The following MACROD2 variants were observed in gnomAD, a reference collection of about 807,000 sequenced individuals.
MACROD2 encodes mono-ADP ribosylhydrolase 2.
A neutral mutation model predicts 70.4 loss-of-function variants in MACROD2; 36 were observed. The ratio of observed to expected loss-of-function variants is 0.51; its 90% CI spans 0.39 to 0.68. The LOEUF (loss-of-function observed/expected upper bound fraction) is 0.68. Among genes scored for constraint, MACROD2 ranks in the 30% least tolerant of loss-of-function variants. The probability of loss-of-function intolerance (pLI) is 0.00; values close to 1 mark genes in which losing one functional copy is unlikely to be tolerated. For missense variants in MACROD2, 496 were observed against 538.4 expected, an observed-to-expected ratio of 0.92 and a Z score of 0.78; for synonymous variants, 172 against 178.8, an observed-to-expected ratio of 0.96 and a Z score of 0.30.
At chr20:14,402,274 A>G (rs2122839776) in intron 3 of MACROD2, among the ~76,000 whole-genome samples, 1 of 152,252 alleles carries the variant, frequency 6.6e-6, no homozygotes, top group East Asian at 1.9e-4. Context: ...AGTTTATGCA[A>G]TTTTTAGTTG....
intron 8 of MACROD2, among the ~76,000 whole-genome samples, chr20:15,611,067 G>T (rs1320451582): frequency 5.4e-5 from 7 of 129,230 alleles, no homozygotes; most frequent in African/African-American, 1.8e-4. Flanking sequence ...CAATACCCAT[G>T]GATCATGATT....
intron 4 of MACROD2, among the ~76,000 whole-genome samples, chr20:14,577,224 C>T (rs57439471): frequency 0.019 from 2,906 of 152,182 alleles, 71 homozygotes; most frequent in African/African-American, 0.045. Flanking sequence ...TTTTAAAATT[C>T]TAAAATGCTA....
intron 6 of MACROD2, among the ~76,000 whole-genome samples, chr20:15,389,201 AG>A (rs2045759481): frequency 6.6e-6 from 1 of 152,198 alleles, no homozygotes; most frequent in Non-Finnish European, 1.5e-5. Context: ...TTAGCAAATA[AG>A]AGGGTACCCA....
chr20:16,003,107 CACACACACACACACAA>C, intron 15 of MACROD2, among the ~76,000 whole-genome samples: 1 of 147,506 alleles, frequency 6.8e-6, no homozygotes, highest in Non-Finnish European at 1.5e-5. Flanking sequence ...CACACACACA[CACACACACACACACAA>C]ACAATCTCTA....
In MACROD2 at chr20:15,103,075, T is replaced by C. The variant is rs1221158449; in HGVS notation, c.419-126865T>C. 4.6e-5 allele frequency among the ~76,000 whole-genome samples: 7 copies of C among 152,132 alleles called. 1 individual carries two copies. Among genetic ancestry groups the C allele is most frequent in the South Asian group, 4.1e-4 (2 of 4,830 alleles). On this transcript the variant is annotated intron_variant, in intron 5 of 17. Coordinates refer to ENST00000684519, the MANE Select transcript of MACROD2 (RefSeq NM_001351661.2). ...GAATCATAAGCACAAAATTCAGCAT[T>C]GTGAAGGAATTGTGAAAAGGGATTG...
chr20:14,195,791 A>G (rs117231754), intron 3 of MACROD2, among the ~76,000 whole-genome samples: 5 of 152,240 alleles, frequency 3.3e-5, no homozygotes, highest in East Asian at 1.9e-4. Flanking sequence ...GGGAAAACCA[A>G]TCTCCTTTCT....
At chr20:15,970,066 T>C (rs2147416684) in intron 13 of MACROD2, among the ~76,000 whole-genome samples, 1 of 152,134 alleles carries the variant, frequency 6.6e-6, no homozygotes, top group East Asian at 1.9e-4. Flanking sequence ...ATATGTATAA[T>C]GAAAATAAGA....
At chr20:14,232,900 T>G (rs1280660583) in intron 3 of MACROD2, among the ~76,000 whole-genome samples, 1 of 152,252 alleles carries the variant, frequency 6.6e-6, no homozygotes, top group Non-Finnish European at 1.5e-5. Context: ...GCTTAATCAT[T>G]TCTAGCTTTT....
intron 4 of MACROD2, among the ~76,000 whole-genome samples, chr20:14,619,039 C>T (rs967277553): frequency 6.6e-6 from 1 of 151,744 alleles, no homozygotes; most frequent in Non-Finnish European, 1.5e-5. Flanking sequence ...AAATGATAAG[C>T]CCTTAAAATA....
intron 2 of MACROD2, among the ~76,000 whole-genome samples, chr20:14,047,454 CAAAA>C (rs11479438): frequency 2.0e-5 from 2 of 99,204 alleles, no homozygotes. Flanking sequence ...GACTCCGTCT[CAAAA>C]AAAAAAAAAA....
intron 6 of MACROD2, among the ~76,000 whole-genome samples, chr20:15,367,595 C>T (rs2146256462): frequency 6.6e-6 from 1 of 152,246 alleles, no homozygotes; most frequent in African/African-American, 2.4e-5. Flanking sequence ...AAAACAAATT[C>T]AGGATCTTCT....
At chr20:14,996,027 A>G (rs148951090) in intron 5 of MACROD2, among the ~76,000 whole-genome samples, 30 of 152,338 alleles carry the variant, frequency 2.0e-4, no homozygotes, top group African/African-American at 5.5e-4. Context: ...CTTTAGATTC[A>G]GTGCAATAAA....
At chr20:14,447,112 G>A (rs749886937) in intron 3 of MACROD2, among the ~76,000 whole-genome samples, 2 of 151,874 alleles carry the variant, frequency 1.3e-5, no homozygotes, top group Non-Finnish European at 2.9e-5. Flanking sequence ...TCCACCTCCC[G>A]AGTTCAAGTG....
chr20:14,126,634 T>C, intron 3 of MACROD2, among the ~76,000 whole-genome samples: 1 of 152,222 alleles, frequency 6.6e-6, no homozygotes, highest in Admixed American at 6.5e-5. Flanking sequence ...ATTTTGGTAA[T>C]TGTAATATTT....
chr20:14,743,121 A>G (rs2071755232), intron 5 of MACROD2, among the ~76,000 whole-genome samples: 1 of 151,334 alleles, frequency 6.6e-6, no homozygotes, highest in African/African-American at 2.4e-5. Context: ...AATAAAACTC[A>G]AATGTATTTT....
At position 14,606,433 on chromosome 20, in the gene MACROD2, T is replaced by C. The variant is rs112882070; in HGVS notation, c.302-78410T>C. Among the ~76,000 whole-genome samples the C allele has an allele frequency of 1.2e-3, 179 of 152,252 alleles. 1 individual carries two copies. Among genetic ancestry groups the C allele is most frequent in the African/African-American group, 4.1e-3 (171 of 41,554 alleles). ...CCAGGTACTTTGTGAGCAGATGATA[T>C]ACATCAACAATATTGTCACCACCAG... On this transcript the variant is annotated intron_variant, in intron 4 of 17. Transcript: ENST00000684519.
intron 17 of MACROD2, among the ~76,000 whole-genome samples, chr20:16,046,521 C>A (rs931491567): frequency 6.6e-6 from 1 of 151,840 alleles, no homozygotes; most frequent in Non-Finnish European, 1.5e-5. Flanking sequence ...CTTGTCTAGA[C>A]TTTTTTCTTA....
intron 3 of MACROD2, among the ~76,000 whole-genome samples, chr20:14,311,470 AT>A (rs1219291502): frequency 6.6e-6 from 1 of 152,112 alleles, no homozygotes; most frequent in East Asian, 1.9e-4. Context: ...CTAGCAATGC[AT>A]TTTTTGAACA....
At chr20:14,078,674 C>T (rs558166955) in intron 2 of MACROD2, among the ~76,000 whole-genome samples, 1 of 152,292 alleles carries the variant, frequency 6.6e-6, no homozygotes, top group South Asian at 2.1e-4. Flanking sequence ...TCCCAAAGTG[C>T]TGGGATTACA....
Sources: allele counts gnomAD v4.1 joint callset (sites outside exome capture counted in the v4.1 genomes callset), GRCh38; gene constraint gnomAD v4.1.1; transcripts MANE v1.5; gene names NCBI Gene and HGNC (gene_info 2026-07-23, HGNC 2026-07-21).